Variants in RIPK4 observed in about 807,000 individuals in gnomAD.
RIPK4 encodes receptor interacting serine/threonine kinase 4, also known as receptor-interacting serine/threonine-protein kinase 4.
Under a neutral mutation model 42.9 loss-of-function variants are expected in RIPK4, and 17 were observed. The ratio of observed to expected loss-of-function variants is 0.40; its 90% CI spans 0.27 to 0.59. RIPK4 has a LOEUF of 0.59. RIPK4 is among the 20% of genes least tolerant of loss of function. The pLI is 0.47. For missense variants in RIPK4, 897 were observed against 1,104.4 expected, an observed-to-expected ratio of 0.81 and a Z score of 2.66; for synonymous variants, 498 against 499.1, an observed-to-expected ratio of 1.00 and a Z score of 0.03.
In RIPK4 at chr21:41,745,673, C is replaced by A. The variant is rs983018234; in HGVS notation, c.936+86G>T. On this transcript the variant is annotated intron_variant, in intron 6 of 7. Transcript: ENST00000332512. ...AAGAGAGGGAGAGTGGTCCGGGCGG[C>A]GGGGGACTCTGCAAAGAGGAGTGGT... 10 of 975,302 alleles carry A rather than the reference C, an allele frequency of 1.0e-5. No individual in the cohort carries two copies. The South Asian group carries it at 1.1e-4, about 11-fold the overall frequency. The allele number at this position is 975,302 out of a possible 1,614,324, so 60.4% of individuals were successfully genotyped here.
At position 41,751,927 on chromosome 21, in the gene RIPK4, G is replaced by A. The variant is rs182347335; in HGVS notation, c.475-682C>T. On this transcript the variant is annotated intron_variant, in intron 2 of 7. Coordinates refer to ENST00000332512, the MANE Select transcript of RIPK4 (RefSeq NM_020639.3). The surrounding 1 kb of genome is among the most constrained non-coding windows in gnomAD (Gnocchi z 4.5). Reference sequence around the variant, plus strand: ...CAGCGCCCGGGCCCCAAGGAGCACCGGCCACCCAGCTCCTCCAGGAATGCC... The same window carrying A: ...CAGCGCCCGGGCCCCAAGGAGCACCAGCCACCCAGCTCCTCCAGGAATGCC... 4.6e-5 allele frequency among the ~76,000 whole-genome samples: 7 copies of A among 152,228 alleles called. No homozygotes were observed. In the East Asian group the frequency reaches 9.7e-4, roughly 21 times the overall value.
chr21:41,758,047 G>C (rs34879432), intron 1 of RIPK4, among the ~76,000 whole-genome samples: 1 of 91,618 alleles, frequency 1.1e-5, no homozygotes, highest in Admixed American at 1.3e-4. Context: ...TATATAGAGA[G>C]AGAGAGAGAG....
At chr21:41,763,067 G>A (rs35323584) in intron 1 of RIPK4, among the ~76,000 whole-genome samples, 2,791 of 152,270 alleles carry the variant, frequency 0.018, 42 homozygotes, top group South Asian at 0.061. Flanking sequence ...TGGTGAAAGC[G>A]TTGCTAATTC....
chr21:41,745,602 C>A (rs534111324), intron 6 of RIPK4, among the ~76,000 whole-genome samples, 157 bp downstream of exon 6: 1 of 152,178 alleles, frequency 6.6e-6, no homozygotes, highest in South Asian at 2.1e-4. Flanking sequence ...CCTGAGCCCC[C>A]ATGGGACCTA....
Position 41,741,758 on chromosome 21 carries a change from C to A in RIPK4, c.1435G>T (p.Val479Leu), listed in dbSNP as rs767084849. ...RRGSTPLHMA[V>L]ERRVRGVVEL... ...ACGACACCCCGCACCCTCCTCTCCACGGCCATGTGCAACGGGGTGGAGCCC... is the reference window on the plus strand; with the variant it reads ...ACGACACCCCGCACCCTCCTCTCCAAGGCCATGTGCAACGGGGTGGAGCCC... The change falls in exon 8 of 8, where the codon GTG (valine) becomes TTG (leucine). Residue 479 changes from valine (V) to leucine (L), a missense_variant. Transcript: ENST00000332512. The A allele has an allele frequency of 6.2e-7, 1 of 1,611,966 alleles. No individual in the cohort carries two copies. Among genetic ancestry groups the A allele is most frequent in the African/African-American group, 1.3e-5 (1 of 75,076 alleles).
At chr21:41,743,666 G>A (rs1368627395) in intron 7 of RIPK4, among the ~76,000 whole-genome samples, 5 of 152,214 alleles carry the variant, frequency 3.3e-5, no homozygotes, top group African/African-American at 1.2e-4. Context: ...TGCACAGACT[G>A]GTGATGTGGC....
In RIPK4 at chr21:41,751,360, C is replaced by G. The variant is rs1333456458; in HGVS notation, c.475-115G>C. ...AGGGTGGGTGAGAGCTTTCCAGGAG[C>G]CCCTAAGAGCCGTGTCTGTGCCTCT... On this transcript the variant is annotated intron_variant, in intron 2 of 7. Coordinates refer to ENST00000332512, the MANE Select transcript of RIPK4 (RefSeq NM_020639.3). The surrounding 1 kb of genome is among the most constrained non-coding windows in gnomAD (Gnocchi z 4.5). The G allele has an allele frequency of 4.4e-6, 6 of 1,365,178 alleles. No individual in the cohort carries two copies. In the Admixed American group the frequency reaches 6.8e-5, roughly 15 times the overall value. 84.6% of individuals were successfully genotyped at this position (1,365,178 alleles called of 1,614,324 possible). A position where few individuals can be genotyped will look rare whatever the true frequency, so the allele number is the denominator to read the frequency against.
rs776274545 is a variant in RIPK4 at position 41,751,212 on chromosome 21, G to C, written c.508C>G (p.Leu170Val). Residue 170 changes from leucine (L) to valine (V), a missense_variant, in exon 3 of 8, where the codon CTG becomes GTG. By Grantham distance (32) the Leu-to-Val change is conservative (BLOSUM62 1). Coordinates refer to ENST00000332512, the MANE Select transcript of RIPK4 (RefSeq NM_020639.3). The surrounding 1 kb of genome is among the most constrained non-coding windows in gnomAD (Gnocchi z 4.5). ...SDFGLAKCNG[L>V]SHSHDLSMDG... ...ATGCTGAGGTCATGCGAGTGGGACA[G>C]CCCGTTGCACTTGGCCAGACCAAAA... 3 of 1,614,264 alleles carry C rather than the reference G, an allele frequency of 1.9e-6. No homozygotes were observed. In the East Asian group the frequency reaches 6.7e-5, roughly 36 times the overall value.
intron 7 of RIPK4, among the ~76,000 whole-genome samples, chr21:41,743,652 C>A (rs1314727867): frequency 1.3e-5 from 2 of 152,234 alleles, no homozygotes; most frequent in Non-Finnish European, 2.9e-5. Context: ...ACAGGCAAGA[C>A]TGCTGCACAG....
chr21:41,742,315 AAAGAAAG>A lies in RIPK4; in HGVS notation c.1196-325_1196-319del. Among the ~76,000 whole-genome samples, 1 of 152,310 alleles carries A rather than the reference AAAGAAAG, an allele frequency of 6.6e-6. No individual in the cohort carries two copies. The highest frequency in any genetic ancestry group is 2.1e-4 in the South Asian group (1 of 4,828). On this transcript the variant is annotated intron_variant, in intron 7 of 7. Transcript: ENST00000332512. This position sits in a 1 kb window ranked among gnomAD's most constrained non-coding sequence, Gnocchi z 5.1. ...CAGTGACTGCAAACATCCCTTCATTAAAGAAAGAAGGAAAAAGGGCACAGACTAAAAA... is the reference window on the plus strand; with the variant it reads ...CAGTGACTGCAAACATCCCTTCATTAAAGGAAAAAGGGCACAGACTAAAAA...
Position 41,759,762 on chromosome 21 carries a change from C to A in RIPK4, c.183-2946G>T, listed in dbSNP as rs966843624. ...CATCCATTTCTTAATGATCTGACCG[C>A]CCCTGCGAGAGTTCAGCCCCTCCTA... On this transcript the variant is annotated intron_variant, in intron 1 of 7. Coordinates refer to ENST00000332512, the MANE Select transcript of RIPK4 (RefSeq NM_020639.3). 3.3e-5 allele frequency among the ~76,000 whole-genome samples: 5 copies of A among 152,226 alleles called. No individual in the cohort carries two copies. The South Asian group carries it at 6.2e-4, about 19-fold the overall frequency.
chr21:41,756,409 G>C, intron 2 of RIPK4, 116 bp downstream of exon 2: 2 of 1,302,172 alleles, frequency 1.5e-6, no homozygotes, highest in Non-Finnish European at 2.1e-6. Flanking sequence ...CCTCCAAGAA[G>C]AACCACCTCC....
intron 5 of RIPK4, chr21:41,746,149 G>A (rs1601676832): frequency 3.0e-6 from 2 of 671,574 alleles, no homozygotes; most frequent in Non-Finnish European, 5.5e-6. Flanking sequence ...CCTGGCGGAT[G>A]AGCTCCCCAT....
intron 1 of RIPK4, among the ~76,000 whole-genome samples, chr21:41,764,033 C>T (rs1392331829): frequency 1.6e-4 from 24 of 152,152 alleles, no homozygotes; most frequent in Admixed American, 1.5e-3. Flanking sequence ...CAGGACCCTC[C>T]GAGGCACCGA....
chr21:41,760,198 T>C (rs1357238246), intron 1 of RIPK4, among the ~76,000 whole-genome samples: 1 of 152,260 alleles, frequency 6.6e-6, no homozygotes, highest in Non-Finnish European at 1.5e-5. Context: ...AAACTACTAC[T>C]GTCCAGAATC....
chr21:41,745,693 A>T (rs1412809119), intron 6 of RIPK4, 66 bp downstream of exon 6: 12 of 1,192,986 alleles, frequency 1.0e-5, no homozygotes, highest in African/African-American at 1.5e-5. Flanking sequence ...TGCAAAGAGG[A>T]GTGGTTTGGA....
chr21:41,742,990 A>G lies in RIPK4; in HGVS notation c.1195+892T>C, dbSNP rs1266828854. 6.6e-6 allele frequency among the ~76,000 whole-genome samples: 1 copy of G among 152,250 alleles called. No individual in the cohort carries two copies. The highest frequency in any genetic ancestry group is 1.9e-4 in the East Asian group (1 of 5,180). ...TGTCTATGTAGCATTGCCTTAAAAC[A>G]AGACAGCCTCCTTTGCCCCCAATAT... On this transcript the variant is annotated intron_variant, in intron 7 of 7. Transcript: ENST00000332512. This position sits in a 1 kb window ranked among gnomAD's most constrained non-coding sequence, Gnocchi z 5.1.
At position 41,741,276 on chromosome 21, in the gene RIPK4, T is replaced by C; in HGVS notation, c.1917A>G (p.Thr639=). 1 of 1,608,092 alleles carries C rather than the reference T, an allele frequency of 6.2e-7. No homozygotes were observed. The highest frequency in any genetic ancestry group is 1.1e-5 in the South Asian group (1 of 91,004). Residue 639 remains threonine, a synonymous_variant, in exon 8 of 8, where the codon ACA becomes ACG. Transcript: ENST00000332512. ...CCGTCTCCGCGGCCACGTGCAGGGG[T>C]GTCTGTGCCAGCAGGCTGCAGACGT... ...DVNVCSLLAQ[T]PLHVAAETGH...
In RIPK4 at chr21:41,766,738, C is replaced by A; in HGVS notation, c.182+122G>T. 1.7e-5 allele frequency: 18 copies of A among 1,053,568 alleles called. No homozygotes were observed. The South Asian group carries it at 3.0e-4, about 17-fold the overall frequency. The allele number at this position is 1,053,568 out of a possible 1,614,324, so 65.3% of individuals were successfully genotyped here. ...CGCGGCCTCGCCGGCAATTGGTTTC[C>A]CCCCCGAAGCTGCTCCGGGGGTGAG... On this transcript the variant is annotated intron_variant, in intron 1 of 7. Coordinates refer to ENST00000332512, the MANE Select transcript of RIPK4 (RefSeq NM_020639.3).
Sources: allele counts gnomAD v4.1 joint callset (sites outside exome capture counted in the v4.1 genomes callset), GRCh38; gene constraint gnomAD v4.1.1; non-coding constraint Gnocchi (gnomAD v3.1); transcripts MANE v1.5; gene names NCBI Gene and HGNC (gene_info 2026-07-23, HGNC 2026-07-21).